The following DNAAF5 variants were observed in gnomAD, a reference collection of about 807,000 sequenced individuals.
The protein encoded by DNAAF5 is HEAT repeat containing 2.
A neutral mutation model predicts 75.8 loss-of-function variants in DNAAF5; 64 were observed. The observed-to-expected ratio is 0.84, with a 90% CI of 0.69 to 1.04. The LOEUF (loss-of-function observed/expected upper bound fraction) is 1.04. Ranked by LOEUF, DNAAF5 falls within the 50% of genes least tolerant of loss-of-function variation. The pLI is 0.00. For missense variants in DNAAF5, 1,269 were observed against 1,178.5 expected (o/e 1.08, Z -1.12); for synonymous variants, 657 against 557.2 (o/e 1.18, Z -2.52).
intron 4 of DNAAF5, among the ~76,000 whole-genome samples, chr7:746,803 G>A (rs1232371010): frequency 1.3e-5 from 2 of 152,190 alleles, no homozygotes; most frequent in African/African-American, 2.4e-5. Context: ...CCCTGCATGT[G>A]GGCATCTCCA....
At chr7:743,458 G>A (rs114630292) in intron 4 of DNAAF5, among the ~76,000 whole-genome samples, 59 of 152,152 alleles carry the variant, frequency 3.9e-4, no homozygotes, top group African/African-American at 1.3e-3. Context: ...ACAGAGCCGT[G>A]GCTCCTCCCG....
intron 7 of DNAAF5, among the ~76,000 whole-genome samples, chr7:762,669 A>G (rs190164481): frequency 0.011 from 1,611 of 151,050 alleles, 32 homozygotes; most frequent in African/African-American, 0.038. Context: ...GCTGGAGTGC[A>G]GTGGCGCGAT....
At position 740,786 on chromosome 7, in the gene DNAAF5, A is replaced by T. The variant is rs116184438; in HGVS notation, c.781-33A>T. On this transcript the variant is annotated intron_variant, in intron 2 of 12. Coordinates refer to ENST00000297440, the MANE Select transcript of DNAAF5 (RefSeq NM_017802.4). ...GTCAGCCCCGGCATCCCCTTTGCCT[A>T]CACGAATCCTTATCCCTTCCTCTCA... The T allele has an allele frequency of 2.7e-3, 4,327 of 1,611,512 alleles. 107 individuals carry two copies. The African/African-American group carries it at 0.051, about 19-fold the overall frequency.
intron 7 of DNAAF5, among the ~76,000 whole-genome samples, chr7:762,831 C>G (rs1306486078): frequency 2.6e-5 from 4 of 152,174 alleles, no homozygotes; most frequent in African/African-American, 9.7e-5. Flanking sequence ...CCAGGTTGGT[C>G]TCAAGCTCCT....
At chr7:740,744 C>G (rs948893887) in intron 2 of DNAAF5, 75 bp from the exon 3 acceptor site, 30 of 1,581,688 alleles carry the variant, frequency 1.9e-5, no homozygotes, top group Non-Finnish European at 2.5e-5. Context: ...TGGCAGCACT[C>G]AGAGCCGCAC....
chr7:745,693 GCA>G (rs550596404), intron 4 of DNAAF5, among the ~76,000 whole-genome samples: 8 of 152,208 alleles, frequency 5.3e-5, no homozygotes, highest in African/African-American at 1.7e-4. Context: ...ATACACATCT[GCA>G]CACGTGTGTA....
At chr7:743,971 G>A (rs1321102014) in intron 4 of DNAAF5, among the ~76,000 whole-genome samples, 1 of 148,422 alleles carries the variant, frequency 6.7e-6, no homozygotes, top group Non-Finnish European at 1.5e-5. Flanking sequence ...TAAGTTTTAG[G>A]GTACATGTGC....
chr7:731,027 C>G (rs1485368932), intron 2 of DNAAF5, among the ~76,000 whole-genome samples: 1 of 152,202 alleles, frequency 6.6e-6, no homozygotes, highest in Non-Finnish European at 1.5e-5. Context: ...AATATTTGGG[C>G]TGCGGAGGGC....
chr7:740,711 C>A, intron 2 of DNAAF5, 108 bp from the exon 3 acceptor site: 2 of 1,485,416 alleles, frequency 1.3e-6, no homozygotes, highest in Non-Finnish European at 1.8e-6. Flanking sequence ...CTGGCCGTGC[C>A]TCTGCCTCAG....
At chr7:730,263 C>A (rs1224769894) in intron 2 of DNAAF5, among the ~76,000 whole-genome samples, 1 of 152,058 alleles carries the variant, frequency 6.6e-6, no homozygotes. Flanking sequence ...TTGGAACCCA[C>A]CAAGAGACGG....
chr7:780,345 C>T (rs948134853), intron 12 of DNAAF5, among the ~76,000 whole-genome samples: 6 of 152,248 alleles, frequency 3.9e-5, no homozygotes, highest in African/African-American at 1.4e-4. Context: ...TTTCCTCTAA[C>T]AGAAATCAAA....
At chr7:783,969 A>G (rs1201727402) in intron 12 of DNAAF5, among the ~76,000 whole-genome samples, 9 of 146,414 alleles carry the variant, frequency 6.1e-5, no homozygotes, top group Admixed American at 6.1e-4. Context: ...GGTACAGGCC[A>G]TTCTTTCTCC....
chr7:742,897 C>T (rs1274673168), intron 4 of DNAAF5, among the ~76,000 whole-genome samples: 1 of 151,748 alleles, frequency 6.6e-6, no homozygotes, highest in African/African-American at 2.4e-5. Context: ...TCAATCATGT[C>T]CAGCTCAAAT....
intron 5 of DNAAF5, among the ~76,000 whole-genome samples, chr7:755,913 C>T (rs1279501653): frequency 6.6e-6 from 1 of 151,980 alleles, no homozygotes; most frequent in African/African-American, 2.4e-5. Flanking sequence ...GGACGAGAGA[C>T]GTGTGTGGGA....
chr7:775,112 A>C lies in DNAAF5; in HGVS notation c.2189A>C (p.Lys730Thr). ...TGCCGTATTATCAACACGTTCTTAAAAACCTCGGGCGGCATGACGGATCCA... is the reference window on the plus strand; with the variant it reads ...TGCCGTATTATCAACACGTTCTTAACAACCTCGGGCGGCATGACGGATCCA... Reference protein sequence around the residue: ...ISCRIINTFLKTSGGMTDPEK... With the variant: ...ISCRIINTFLTTSGGMTDPEK... Residue 730 changes from lysine (K) to threonine (T), a missense_variant, in exon 11 of 13, where the codon AAA becomes ACA. By Grantham distance (78) the Lys-to-Thr change is moderately conservative (BLOSUM62 -1). Transcript: ENST00000297440. The C allele has an allele frequency of 6.2e-7, 1 of 1,614,144 alleles. No homozygotes were observed. Among genetic ancestry groups the C allele is most frequent in the African/African-American group, 1.3e-5 (1 of 75,028 alleles).
intron 4 of DNAAF5, among the ~76,000 whole-genome samples, chr7:744,398 A>G (rs1782017395): frequency 6.6e-6 from 1 of 152,240 alleles, no homozygotes; most frequent in Non-Finnish European, 1.5e-5. Context: ...TGCAATAAAC[A>G]TACATGTGCC....
intron 7 of DNAAF5, among the ~76,000 whole-genome samples, chr7:762,687 C>A (rs1782699185): frequency 6.6e-6 from 1 of 151,960 alleles, no homozygotes; most frequent in African/African-American, 2.4e-5. Flanking sequence ...GATCTCGGCT[C>A]ACTGCAACTT....
Position 765,985 on chromosome 7 carries a change from C to T in DNAAF5, c.1783+2011C>T, listed in dbSNP as rs554875657. Among the ~76,000 whole-genome samples, 32 of 152,320 alleles carry T rather than the reference C, an allele frequency of 2.1e-4. No individual in the cohort carries two copies. The South Asian group carries it at 5.4e-3, about 26-fold the overall frequency. On this transcript the variant is annotated intron_variant, in intron 8 of 12. Coordinates refer to ENST00000297440, the MANE Select transcript of DNAAF5 (RefSeq NM_017802.4). ...CTGGGACCACAGGCACCCACTACCACGCCTGGCTAATTTTTGTATTTTTTG... is the reference window on the plus strand; with the variant it reads ...CTGGGACCACAGGCACCCACTACCATGCCTGGCTAATTTTTGTATTTTTTG...
rs1424622528 is a variant in DNAAF5 at position 786,160 on chromosome 7, C to T, written c.*507C>T. On this transcript the variant is annotated 3_prime_UTR_variant, in exon 13 of 13. Transcript: ENST00000297440. ...ATCCTAACAACTTATCAGATTTCTC[C>T]TGTTTTAAATATACTGGGACTTTAA... The T allele has an allele frequency of 2.6e-5, 4 of 153,238 alleles. No homozygotes were observed. The highest frequency in any genetic ancestry group is 1.3e-4 in the Admixed American group (2 of 15,390). The allele number at this position is 153,238 out of a possible 1,614,324, so 9.5% of individuals were successfully genotyped here.
Sources: allele counts gnomAD v4.1 joint callset (sites outside exome capture counted in the v4.1 genomes callset), GRCh38; gene constraint gnomAD v4.1.1; transcripts MANE v1.5; gene names NCBI Gene and HGNC (gene_info 2026-07-23, HGNC 2026-07-21).